The following ZMYND8 variants were observed in gnomAD, a reference collection of about 807,000 sequenced individuals.
ZMYND8 encodes the protein MYND-type zinc finger-containing chromatin reader ZMYND8.
Under a neutral mutation model 140.8 loss-of-function variants are expected in ZMYND8, and 37 were observed. The observed-to-expected ratio is 0.26, with a 90% CI of 0.20 to 0.35. The LOEUF (loss-of-function observed/expected upper bound fraction) is 0.35, where lower values mean the gene tolerates loss of function less well. ZMYND8 is among the 10% of genes least tolerant of loss of function. The pLI is 1.00. For synonymous variants in ZMYND8, 592 were observed against 597.1 expected, an observed-to-expected ratio of 0.99 and a Z score of 0.12; for missense variants, 1,068 against 1,570.0, an observed-to-expected ratio of 0.68 and a Z score of 5.40.
intron 18 of ZMYND8, among the ~76,000 whole-genome samples, chr20:47,225,616 T>TGAAGGGGAAG (rs2037610000): frequency 1.8e-5 from 1 of 54,684 alleles, no homozygotes; most frequent in African/African-American, 8.3e-5. Flanking sequence ...GGGAGGGGAA[T>TGAAGGGGAAG]GGTCCCTCAA....
At chr20:47,350,345 A>AAAAAAAAC (rs1556502138) in intron 1 of ZMYND8, among the ~76,000 whole-genome samples, 50 of 146,806 alleles carry the variant, frequency 3.4e-4, no homozygotes, top group African/African-American at 4.6e-4. Context: ...AAAAAAAAAA[A>AAAAAAAAC]AAAAAAACTT....
chr20:47,217,002 G>A (rs1265257798), intron 21 of ZMYND8, among the ~76,000 whole-genome samples: 1 of 152,178 alleles, frequency 6.6e-6, no homozygotes, highest in African/African-American at 2.4e-5. Flanking sequence ...CTCAGGTGCA[G>A]GTAAATCAAA....
In ZMYND8 at chr20:47,339,551, A is replaced by T. The variant is rs574478464; in HGVS notation, c.85+8305T>A. The stretch of plus-strand genomic sequence containing the variant: ...GAGTGCAGTGGCGCAATCTCTGCTC[A>T]CTGCAAGCTCCGCCTCCCGGGTTCA... On this transcript the variant is annotated intron_variant, in intron 2 of 22. Transcript: ENST00000471951. Among the ~76,000 whole-genome samples the T allele has an allele frequency of 4.1e-4, 62 of 149,940 alleles. 2 individuals are homozygous for T. In the South Asian group the frequency reaches 0.012, roughly 29 times the overall value.
chr20:47,273,216 A>AT (rs1442792378), intron 11 of ZMYND8, among the ~76,000 whole-genome samples: 2 of 152,134 alleles, frequency 1.3e-5, no homozygotes, highest in African/African-American at 2.4e-5. Context: ...GTATTTTAAC[A>AT]TTTTTTTAAT....
chr20:47,212,116 G>A (rs1255374424), intron 22 of ZMYND8, among the ~76,000 whole-genome samples: 1 of 152,228 alleles, frequency 6.6e-6, no homozygotes, highest in Admixed American at 6.5e-5. Flanking sequence ...GAAGGACTCT[G>A]GGGAGTGATG....
intron 2 of ZMYND8, among the ~76,000 whole-genome samples, chr20:47,314,215 T>C (rs563361042): frequency 2.0e-5 from 3 of 151,484 alleles, no homozygotes; most frequent in South Asian, 4.2e-4. Context: ...ATAAAGAAAA[T>C]TGGCCAGGTG....
chr20:47,331,380 C>T (rs1349927420), intron 2 of ZMYND8, among the ~76,000 whole-genome samples: 1 of 152,058 alleles, frequency 6.6e-6, no homozygotes, highest in Non-Finnish European at 1.5e-5. Flanking sequence ...GGGCAAAGAA[C>T]AGAAGAATGG....
At chr20:47,289,121 A>G (rs766743460) in intron 7 of ZMYND8, among the ~76,000 whole-genome samples, 5 of 152,210 alleles carry the variant, frequency 3.3e-5, no homozygotes, top group Non-Finnish European at 5.9e-5. Context: ...AAATAAATAA[A>G]TAATCCTATT....
Position 47,227,368 on chromosome 20 carries a change from G to C in ZMYND8, c.2938-87C>G. 3.1e-6 allele frequency: 4 copies of C among 1,291,444 alleles called. 1 individual carries two copies. The South Asian group carries it at 4.8e-5, about 15-fold the overall frequency. 80.0% of individuals were successfully genotyped at this position (1,291,444 alleles called of 1,614,324 possible). On this transcript the variant is annotated intron_variant, in intron 17 of 22. Coordinates refer to ENST00000471951, the MANE Select transcript of ZMYND8 (RefSeq NM_001281775.3). Reference sequence around the variant, plus strand: ...GAAGCTCAACCACGGCTGGCTGTGAGGGGTATGGGAATCATGCTAACCTTC... The same window carrying C: ...GAAGCTCAACCACGGCTGGCTGTGACGGGTATGGGAATCATGCTAACCTTC...
chr20:47,306,497 A>G (rs1044597977), intron 3 of ZMYND8, among the ~76,000 whole-genome samples: 18 of 152,142 alleles, frequency 1.2e-4, no homozygotes, highest in African/African-American at 4.3e-4. Flanking sequence ...ATAGGGACCA[A>G]ACTTAAAACT....
intron 13 of ZMYND8, among the ~76,000 whole-genome samples, chr20:47,247,276 T>C (rs891673253): frequency 2.6e-5 from 4 of 152,198 alleles, no homozygotes; most frequent in African/African-American, 9.7e-5. Context: ...TGCCAGGCAT[T>C]GGCTGGAACA....
At chr20:47,321,269 A>C (rs1272237533) in intron 2 of ZMYND8, among the ~76,000 whole-genome samples, 3 of 152,140 alleles carry the variant, frequency 2.0e-5, no homozygotes, top group Non-Finnish European at 4.4e-5. Context: ...CCCATCATCA[A>C]ACAAACACTT....
At chr20:47,238,665 T>G in intron 15 of ZMYND8, 93 bp downstream of exon 15, 1 of 1,157,200 alleles carries the variant, frequency 8.6e-7, no homozygotes, top group Non-Finnish European at 1.2e-6. Flanking sequence ...AAACGAGAAC[T>G]AAAAAAAAAA....
rs907318595 is a variant in ZMYND8 at position 47,279,862 on chromosome 20, C to T, written c.998+2240G>A. Among the ~76,000 whole-genome samples the T allele has an allele frequency of 2.6e-5, 4 of 152,016 alleles. No individual in the cohort carries two copies. The East Asian group carries it at 5.8e-4, about 22-fold the overall frequency. On this transcript the variant is annotated intron_variant, in intron 10 of 22. Transcript: ENST00000471951. ...ACCAGGCCAGGCACAGTGGCTTACG[C>T]CTGTAATCCCAGCACTCTGGGAGGC...
At chr20:47,264,122 A>G (rs2075338720) in intron 11 of ZMYND8, among the ~76,000 whole-genome samples, 1 of 152,186 alleles carries the variant, frequency 6.6e-6, no homozygotes, top group Non-Finnish European at 1.5e-5. Flanking sequence ...GCTGAAACTG[A>G]CACGCCGCAT....
chr20:47,330,152 C>T (rs1395562076), intron 2 of ZMYND8, among the ~76,000 whole-genome samples: 1 of 152,100 alleles, frequency 6.6e-6, no homozygotes, highest in African/African-American at 2.4e-5. Context: ...AAGGCAATGC[C>T]AAGTGTGTCT....
chr20:47,351,952 T>C (rs2082817832), intron 1 of ZMYND8: 3 of 985,250 alleles, frequency 3.0e-6, no homozygotes, highest in South Asian at 9.4e-5. Flanking sequence ...AACTCTGCAA[T>C]GACAGGGAGA....
At chr20:47,341,590 G>A (rs571482452) in intron 2 of ZMYND8, among the ~76,000 whole-genome samples, 17 of 150,714 alleles carry the variant, frequency 1.1e-4, no homozygotes, top group African/African-American at 4.2e-4. Context: ...CACACACTTG[G>A]CCAGGTGCGG....
chr20:47,229,975 GAGA>G (rs1157797019), intron 16 of ZMYND8, among the ~76,000 whole-genome samples, 169 bp from the exon 17 acceptor site: 3 of 152,150 alleles, frequency 2.0e-5, no homozygotes, highest in Non-Finnish European at 4.4e-5. Flanking sequence ...CAGGAGCAAG[GAGA>G]AGGAGCTGCT....
Sources: allele counts gnomAD v4.1 joint callset (sites outside exome capture counted in the v4.1 genomes callset), GRCh38; gene constraint gnomAD v4.1.1; transcripts MANE v1.5; gene names NCBI Gene and HGNC (gene_info 2026-07-23, HGNC 2026-07-21).